The following TENM3 variants were observed in gnomAD, a reference collection of about 807,000 sequenced individuals.
TENM3 encodes the protein teneurin-3.
TENM3 carries 63 observed loss-of-function variants against 255.1 expected under a neutral mutation model. That is an observed-to-expected ratio of 0.25 (90% CI 0.20 to 0.30). The LOEUF (loss-of-function observed/expected upper bound fraction) is 0.30, where lower values mean the gene tolerates loss of function less well. Among genes scored for constraint, TENM3 ranks in the 10% least tolerant of loss-of-function variants. TENM3 has a pLI of 1.00. For missense variants in TENM3, 2,929 were observed against 3,461.1 expected, an observed-to-expected ratio of 0.85 and a Z score of 3.86; for synonymous variants, 1,306 against 1,322.3, an observed-to-expected ratio of 0.99 and a Z score of 0.27.
chr4:182,607,333 T>C (rs1273162050), intron 4 of TENM3, among the ~76,000 whole-genome samples: 1 of 152,180 alleles, frequency 6.6e-6, no homozygotes, highest in Non-Finnish European at 1.5e-5. Flanking sequence ...CATGGTTAAT[T>C]TTACTAGATT....
At chr4:181,780,337 T>A in the TENM3 span, among the ~76,000 whole-genome samples, 9 of 152,144 alleles carry the variant, frequency 5.9e-5, no homozygotes, top group Non-Finnish European at 1.0e-4. Context: ...TTCTAACTGG[T>A]GTGAGATGGT....
chr4:181,487,633 T>TG, the TENM3 span, among the ~76,000 whole-genome samples: 1 of 152,170 alleles, frequency 6.6e-6, no homozygotes, highest in Non-Finnish European at 1.5e-5. Flanking sequence ...ATCATTAATT[T>TG]GGGGGTTAGA....
chr4:181,666,927 C>T, the TENM3 span, among the ~76,000 whole-genome samples: 41 of 152,260 alleles, frequency 2.7e-4, no homozygotes, highest in Non-Finnish European at 4.6e-4. Context: ...GCTACAGAGA[C>T]GTTTTCATAT....
At position 182,776,020 on chromosome 4, in the gene TENM3, G is replaced by GAT. The variant is rs532921015; in HGVS notation, c.5304+877_5304+878dup. ...AGATAGGAGATATATATAGATAGGA[G>GAT]ATATATATATAGCTATATTGCAGAT... On this transcript the variant is annotated intron_variant, in intron 24 of 27. Coordinates refer to ENST00000511685, the MANE Select transcript of TENM3 (RefSeq NM_001080477.4). Among the ~76,000 whole-genome samples the GAT allele has an allele frequency of 2.6e-5, 4 of 151,186 alleles. No homozygotes were observed. The South Asian group carries it at 6.3e-4, about 24-fold the overall frequency.
chr4:181,748,980 G>A, the TENM3 span, among the ~76,000 whole-genome samples: 1 of 152,014 alleles, frequency 6.6e-6, no homozygotes. Context: ...TTCTATGTTA[G>A]AGGACATTTA....
chr4:182,016,226 T>C, the TENM3 span, among the ~76,000 whole-genome samples: 153 of 152,306 alleles, frequency 1.0e-3, no homozygotes, highest in Middle Eastern at 3.4e-3. Flanking sequence ...CATGCTCCTA[T>C]TTGAATTTCT....
At chr4:182,653,735 G>A in intron 5 of TENM3, 36 bp from the exon 6 acceptor site, 1 of 1,567,974 alleles carries the variant, frequency 6.4e-7, no homozygotes, top group Non-Finnish European at 8.7e-7. Context: ...GCTGAAGGCA[G>A]CAGATCTTTA....
rs1022166858 is a variant in TENM3 at position 182,462,222 on chromosome 4, C to T, written c.511+115293C>T. 1.6e-4 allele frequency among the ~76,000 whole-genome samples: 25 copies of T among 152,024 alleles called. 3 individuals are homozygous for T. The highest frequency in any genetic ancestry group is 1.3e-3 in the Admixed American group (20 of 15,272). ...TGGCCCACACATTGCCACACCTGGCCAATTTTTAAATTTTCAGTAAAGACT... is the reference window on the plus strand; with the variant it reads ...TGGCCCACACATTGCCACACCTGGCTAATTTTTAAATTTTCAGTAAAGACT... On this transcript the variant is annotated intron_variant, in intron 3 of 27. Coordinates refer to ENST00000511685, the MANE Select transcript of TENM3 (RefSeq NM_001080477.4).
chr4:182,246,144 G>T (rs2150090983), intron 1 of TENM3, among the ~76,000 whole-genome samples: 1 of 152,272 alleles, frequency 6.6e-6, no homozygotes, highest in East Asian at 1.9e-4. Context: ...GGCCTGAAAT[G>T]AAACTCCTAG....
intron 3 of TENM3, among the ~76,000 whole-genome samples, chr4:182,457,079 G>A (rs1773934674): frequency 6.6e-6 from 1 of 151,860 alleles, no homozygotes; most frequent in South Asian, 2.1e-4. Flanking sequence ...CAGCTACTCG[G>A]AAGGCTGAGG....
chr4:182,752,055 G>T, intron 20 of TENM3, 23 bp downstream of exon 20: 2 of 1,331,930 alleles, frequency 1.5e-6, no homozygotes, highest in Admixed American at 3.0e-5. Context: ...GGCGATTTGA[G>T]GATTTCTTTT....
In TENM3 at chr4:182,792,138, G is replaced by A. The variant is rs1479358329; in HGVS notation, c.5602-136G>A. 7 of 849,694 alleles carry A rather than the reference G, an allele frequency of 8.2e-6. No individual in the cohort carries two copies. Among genetic ancestry groups the A allele is most frequent in the Non-Finnish European group, 1.3e-5 (7 of 551,062 alleles). The allele number at this position is 849,694 out of a possible 1,614,324, so 52.6% of individuals were successfully genotyped here. On this transcript the variant is annotated intron_variant, in intron 25 of 27. Coordinates refer to ENST00000511685, the MANE Select transcript of TENM3 (RefSeq NM_001080477.4). This position sits in a 1 kb window ranked among gnomAD's most constrained non-coding sequence, Gnocchi z 6.3. Reference sequence around the variant, plus strand: ...TTAGGCAGAGAAACGTTAACAACACGCAAGGTCAAGGATAACTCAATTAAA... The same window carrying A: ...TTAGGCAGAGAAACGTTAACAACACACAAGGTCAAGGATAACTCAATTAAA...
At chr4:182,512,627 A>G (rs1480083040) in intron 3 of TENM3, among the ~76,000 whole-genome samples, 1 of 152,188 alleles carries the variant, frequency 6.6e-6, no homozygotes, top group Non-Finnish European at 1.5e-5. Context: ...GAATATATGA[A>G]CGAAAAGTAT....
chr4:182,544,236 C>T (rs1427775517), intron 3 of TENM3, among the ~76,000 whole-genome samples: 1 of 151,904 alleles, frequency 6.6e-6, no homozygotes, highest in Non-Finnish European at 1.5e-5. Flanking sequence ...GTTTTCTCGC[C>T]TTTCCAATTT....
chr4:181,612,016 G>A, the TENM3 span, among the ~76,000 whole-genome samples: 1 of 152,140 alleles, frequency 6.6e-6, no homozygotes, highest in Non-Finnish European at 1.5e-5. Flanking sequence ...AAAGTTAATG[G>A]TAAGTGTGGC....
chr4:182,785,132 A>G (rs890694910), intron 24 of TENM3, among the ~76,000 whole-genome samples: 7 of 151,982 alleles, frequency 4.6e-5, no homozygotes, highest in African/African-American at 1.4e-4. Context: ...GCTGGAGTGC[A>G]GTAGTGTGAT....
At chr4:182,159,878 G>A (rs1321937252) in intron 1 of TENM3, among the ~76,000 whole-genome samples, 5 of 152,150 alleles carry the variant, frequency 3.3e-5, no homozygotes, top group Non-Finnish European at 5.9e-5. Context: ...TGAAAAAGAC[G>A]GAAAGATTTT....
At chr4:181,504,172 G>T in the TENM3 span, among the ~76,000 whole-genome samples, 1 of 152,106 alleles carries the variant, frequency 6.6e-6, no homozygotes, top group Non-Finnish European at 1.5e-5. Context: ...AGGGAAACTG[G>T]AGCAGCCATT....
chr4:182,483,833 G>A (rs1734434621), intron 3 of TENM3, among the ~76,000 whole-genome samples: 1 of 152,166 alleles, frequency 6.6e-6, no homozygotes, highest in African/African-American at 2.4e-5. Flanking sequence ...CATAGCCAGA[G>A]CAGGAGGAAG....
Sources: allele counts gnomAD v4.1 joint callset (sites outside exome capture counted in the v4.1 genomes callset), GRCh38; gene constraint gnomAD v4.1.1; non-coding constraint Gnocchi (gnomAD v3.1); transcripts MANE v1.5; gene names NCBI Gene and HGNC (gene_info 2026-07-23, HGNC 2026-07-21).